The following SLC5A4 variants were observed in gnomAD, a reference collection of about 807,000 sequenced individuals.
The protein encoded by SLC5A4 is solute carrier family 5 member 4.
A neutral mutation model predicts 70.3 loss-of-function variants in SLC5A4; 55 were observed. That is an observed-to-expected ratio of 0.78 (90% CI 0.63 to 0.98). SLC5A4 has a LOEUF of 0.98. Among genes scored for constraint, SLC5A4 ranks in the 50% least tolerant of loss-of-function variants. The pLI is 0.00. For missense variants in SLC5A4, 735 were observed against 839.2 expected (o/e 0.88, Z 1.53); for synonymous variants, 268 against 305.7 (o/e 0.88, Z 1.29).
upstream of SLC5A4, among the ~76,000 whole-genome samples, chr22:32,260,121 G>A (rs1460891488): frequency 6.6e-6 from 1 of 152,198 alleles, no homozygotes; most frequent in East Asian, 1.9e-4. Flanking sequence ...GAGGGTGGGA[G>A]AGGGGTCCCC....
chr22:32,268,969 T>C, the SLC5A4 span, among the ~76,000 whole-genome samples: 8 of 151,394 alleles, frequency 5.3e-5, no homozygotes, highest in African/African-American at 1.9e-4. Flanking sequence ...GATCTCGGCT[T>C]ACTGCACGCT....
At chr22:32,252,246 A>G (rs968116544) in intron 2 of SLC5A4, among the ~76,000 whole-genome samples, 3 of 151,656 alleles carry the variant, frequency 2.0e-5, no homozygotes, top group Admixed American at 1.3e-4. Flanking sequence ...AAAAAAAAAA[A>G]GAAAATAGAC....
rs77172887 is a variant in SLC5A4 at position 32,220,984 on chromosome 22, C to T, written c.1704G>A (p.Glu568=). ...RLCWVLRNST[E]ERIDIDAEEK... is the part of the protein sequence containing the mutation. Reference sequence around the variant, plus strand: ...CTTCTGCATCTATATCGATTCGCTCCTCTGTACTGTTCCGAAGAACCCAGC... The same window carrying T: ...CTTCTGCATCTATATCGATTCGCTCTTCTGTACTGTTCCGAAGAACCCAGC... Residue 568 remains glutamate, a synonymous_variant, in exon 14 of 15, where the codon GAG becomes GAA. Coordinates refer to ENST00000266086, the MANE Select transcript of SLC5A4 (RefSeq NM_014227.3). 1,623 of 1,614,034 alleles carry T rather than the reference C, an allele frequency of 1.0e-3. 24 individuals carry two copies. The African/African-American group carries it at 0.02, about 20-fold the overall frequency.
chr22:32,292,788 G>C, the SLC5A4 span, among the ~76,000 whole-genome samples: 1 of 152,094 alleles, frequency 6.6e-6, no homozygotes, highest in Admixed American at 6.6e-5. Flanking sequence ...TCTCCACTAG[G>C]TAGATTTCTT....
At chr22:32,241,390 C>T (rs1411678991) in intron 5 of SLC5A4, among the ~76,000 whole-genome samples, 1 of 152,122 alleles carries the variant, frequency 6.6e-6, no homozygotes, top group Non-Finnish European at 1.5e-5. Flanking sequence ...GAAGTGGCAA[C>T]AAAGTTTGGC....
chr22:32,336,716 T>G, the SLC5A4 span, among the ~76,000 whole-genome samples: 2 of 152,226 alleles, frequency 1.3e-5, no homozygotes, highest in South Asian at 4.1e-4. Flanking sequence ...CAAAATGACT[T>G]TTCCAAAACC....
At chr22:32,334,430 C>A in the SLC5A4 span, among the ~76,000 whole-genome samples, 96 of 152,280 alleles carry the variant, frequency 6.3e-4, no homozygotes, top group Non-Finnish European at 1.1e-3. Context: ...TCCTCTGTGG[C>A]TCCTGCCTGC....
At position 32,224,440 on chromosome 22, in the gene SLC5A4, T is replaced by C. The variant is rs759722956; in HGVS notation, c.1492A>G (p.Ile498Val). 3 of 1,614,102 alleles carry C rather than the reference T, an allele frequency of 1.9e-6. No homozygotes were observed. The highest frequency in any genetic ancestry group is 1.7e-6 in the Non-Finnish European group (2 of 1,180,008). ...TAAGCAAACTCTGTTATCATACGAA[T>C]GAGGCCCATTGCAAGTCCAACCATT... ...GLMVGLAMGL[I>V]RMITEFAYGT... The change falls in exon 13 of 15, where the codon ATT (isoleucine) becomes GTT (valine). Residue 498 changes from isoleucine (I) to valine (V), a missense_variant. By Grantham distance (29) the Ile-to-Val change is conservative. Coordinates refer to ENST00000266086, the MANE Select transcript of SLC5A4 (RefSeq NM_014227.3).
intron 10 of SLC5A4, 150 bp from the exon 11 acceptor site, chr22:32,229,494 T>G: frequency 1.3e-6 from 1 of 783,960 alleles, no homozygotes; most frequent in Non-Finnish European, 1.9e-6. Context: ...TTCCTGCATA[T>G]TTTCCTGGTC....
At chr22:32,306,967 C>G in the SLC5A4 span, among the ~76,000 whole-genome samples, 8 of 152,110 alleles carry the variant, frequency 5.3e-5, no homozygotes, top group Non-Finnish European at 8.8e-5. Flanking sequence ...CCATGTCATC[C>G]ATAGTTTTTG....
intron 11 of SLC5A4, 123 bp downstream of exon 11, chr22:32,229,071 G>A: frequency 1.2e-6 from 1 of 855,770 alleles, no homozygotes; most frequent in South Asian, 2.2e-5. Flanking sequence ...GTACTCCAAT[G>A]TCTCTTCCCT....
chr22:32,305,272 G>C, the SLC5A4 span, among the ~76,000 whole-genome samples: 1 of 152,052 alleles, frequency 6.6e-6, no homozygotes. Flanking sequence ...AAGCAAGTGT[G>C]GCTGTGTGAA....
chr22:32,325,789 G>A, the SLC5A4 span, among the ~76,000 whole-genome samples: 308 of 152,370 alleles, frequency 2.0e-3, no homozygotes, highest in African/African-American at 7.0e-3. Flanking sequence ...GGCAACTGAA[G>A]CTCAGAGAGA....
intron 5 of SLC5A4, among the ~76,000 whole-genome samples, chr22:32,239,546 ATATATATATATATATATATATATT>A (rs1926303402): frequency 7.9e-5 from 1 of 12,734 alleles, no homozygotes; most frequent in African/African-American, 8.4e-4. Context: ...ATATATATAT[ATATATATATATATATATATATATT>A]TATATATATA....
chr22:32,250,610 T>C (rs1927083338), intron 3 of SLC5A4, among the ~76,000 whole-genome samples: 1 of 152,178 alleles, frequency 6.6e-6, no homozygotes, highest in Non-Finnish European at 1.5e-5. Flanking sequence ...ACTGGGTATA[T>C]ACCCAAAGGA....
the SLC5A4 span, among the ~76,000 whole-genome samples, chr22:32,283,227 A>C: frequency 1.3e-5 from 2 of 152,112 alleles, no homozygotes; most frequent in Non-Finnish European, 2.9e-5. Context: ...CCAGGCACAC[A>C]CCTGCCCCAG....
rs1173189575 is a variant in SLC5A4, at chr22:32,248,802, A to T, written c.313T>A (p.Ser105Thr). 9.3e-6 allele frequency: 15 copies of T among 1,606,666 alleles called. No homozygotes were observed. The highest frequency in any genetic ancestry group is 1.2e-5 in the Non-Finnish European group (14 of 1,173,214). ...CCAAGAATCAGCAACATTACTGAGG[A>T]CTACAAGGAACCAAAATAAGAGACA... is the stretch of plus-strand genomic sequence containing the variant. ...GVATVTFEWT[S>T]SVMLLILGWI... is the part of the protein sequence containing the mutation. Residue 105 changes from serine to threonine, a missense_variant and splice_region_variant, in exon 4 of 15, where the codon TCC becomes ACC. By Grantham distance (58) the Ser-to-Thr change is moderately conservative. Transcript: ENST00000266086.
the SLC5A4 span, among the ~76,000 whole-genome samples, chr22:32,319,590 CAT>C: frequency 1.3e-5 from 2 of 152,178 alleles, no homozygotes; most frequent in African/African-American, 4.8e-5. Flanking sequence ...TGTGTGTCTT[CAT>C]ATGTGTCTAT....
At chr22:32,335,169 C>A in the SLC5A4 span, among the ~76,000 whole-genome samples, 1 of 152,292 alleles carries the variant, frequency 6.6e-6, no homozygotes, top group South Asian at 2.1e-4. Flanking sequence ...CCCTGGGACA[C>A]CCCTGCAGCT....
Sources: allele counts gnomAD v4.1 joint callset (sites outside exome capture counted in the v4.1 genomes callset), GRCh38; gene constraint gnomAD v4.1.1; transcripts MANE v1.5; gene names NCBI Gene and HGNC (gene_info 2026-07-23, HGNC 2026-07-21).